ZNF530: variants seen among roughly 807,000 people sequenced by gnomAD.
ZNF530 encodes the protein zinc finger protein 530.
In ZNF530, 5 loss-of-function variants were observed where a neutral mutation model predicts 2.8. That is an observed-to-expected ratio of 1.80 (90% CI 0.94 to 3.78). The LOEUF (loss-of-function observed/expected upper bound fraction) is 3.78. Among genes scored for constraint, ZNF530 ranks in the 30% most tolerant of loss-of-function variants. ZNF530 has a pLI of 0.00. For synonymous variants in ZNF530, 229 were observed against 235.0 expected (o/e 0.97, Z 0.23); for missense variants, 619 against 673.3 (o/e 0.92, Z 0.89).
chr19:57,604,501 G>A (rs955697937), intron 3 of ZNF530, 95 bp downstream of exon 3: 2 of 1,500,966 alleles, frequency 1.3e-6, no homozygotes, highest in African/African-American at 1.4e-5. Context: ...TAGACCCTGA[G>A]CTCTACAGAC....
At position 57,600,066 on chromosome 19, in the gene ZNF530, G is replaced by A. The variant is rs201531039; in HGVS notation, c.-190G>A. The A allele has an allele frequency of 5.9e-6, 9 of 1,516,630 alleles. No homozygotes were observed. Among genetic ancestry groups the A allele is most frequent in the South Asian group, 2.4e-5 (2 of 81,928 alleles). 93.9% of individuals were successfully genotyped at this position (1,516,630 alleles called of 1,614,324 possible). On this transcript the variant is annotated 5_prime_UTR_variant, in exon 1 of 4. Coordinates refer to ENST00000597700, the MANE Select transcript of ZNF530 (RefSeq NM_001321981.2). Reference sequence around the variant, plus strand: ...ACAGCTTTGCTCTTGTCTCCGCCCGGATCGTCCACCGCTCCCGGCCCGCTC... The same window carrying A: ...ACAGCTTTGCTCTTGTCTCCGCCCGAATCGTCCACCGCTCCCGGCCCGCTC...
rs1185376118 is a variant in ZNF530 at position 57,607,420 on chromosome 19, C to G, written c.*95C>G. The G allele has an allele frequency of 3.2e-6, 4 of 1,245,730 alleles. No individual in the cohort carries two copies. The highest frequency in any genetic ancestry group is 4.4e-6 in the Non-Finnish European group (4 of 916,620). The allele number at this position is 1,245,730 out of a possible 1,614,324, so 77.2% of individuals were successfully genotyped here. A position where few individuals can be genotyped will look rare whatever the true frequency, so the allele number is the denominator to read the frequency against. The stretch of plus-strand genomic sequence containing the variant: ...AGTGCAATTGTGCAATCTCAGCTCA[C>G]TGCAACCTCCGCCTCCTGGGATCAA... On this transcript the variant is annotated 3_prime_UTR_variant, in exon 4 of 4. Coordinates refer to ENST00000597700, the MANE Select transcript of ZNF530 (RefSeq NM_001321981.2).
At chr19:57,605,484 T>A (rs1980460435) in intron 3 of ZNF530, 1 of 545,188 alleles carries the variant, frequency 1.8e-6, no homozygotes, top group South Asian at 2.5e-5. Context: ...ACCTGTTCTC[T>A]CTGAGTTGTG....
intron 3 of ZNF530, 172 bp from the exon 4 acceptor site, chr19:57,605,514 A>C: frequency 1.7e-6 from 1 of 595,592 alleles, no homozygotes; most frequent in Admixed American, 3.3e-5. Context: ...TGTGTCTTTC[A>C]TCTCATAAGG....
Position 57,609,484 on chromosome 19 carries a change from G to A in ZNF530, c.*2159G>A, listed in dbSNP as rs1228661531. Among the ~76,000 whole-genome samples, 1 of 152,256 alleles carries A rather than the reference G, an allele frequency of 6.6e-6. No homozygotes were observed. Among genetic ancestry groups the A allele is most frequent in the Admixed American group, 6.5e-5 (1 of 15,288 alleles). Reference sequence around the variant, plus strand: ...TACTAAAAGTACAAAAATTGTAAAAGTAAAAAGTAAAAGTAAAAGCTGGGT... The same window carrying A: ...TACTAAAAGTACAAAAATTGTAAAAATAAAAAGTAAAAGTAAAAGCTGGGT... On this transcript the variant is annotated 3_prime_UTR_variant, in exon 4 of 4. Transcript: ENST00000597700.
At chr19:57,605,240 G>A (rs1599934308) in intron 3 of ZNF530, 1 of 153,924 alleles carries the variant, frequency 6.5e-6, no homozygotes, top group Admixed American at 6.5e-5. Context: ...TGTGTCACCT[G>A]TTCCTTTCCA....
Position 57,607,089 on chromosome 19 carries a change from G to A in ZNF530, c.1465G>A (p.Asp489Asn), listed in dbSNP as rs372459735. ...VHTNERPYEC[D>N]ECGKSYSQSS... ...CACTAATGAAAGGCCTTATGAGTGCGATGAATGTGGGAAATCCTATAGCCA... is the reference window on the plus strand; with the variant it reads ...CACTAATGAAAGGCCTTATGAGTGCAATGAATGTGGGAAATCCTATAGCCA... Residue 489 changes from aspartate (D) to asparagine (N), a missense_variant, in exon 4 of 4, where the codon GAT becomes AAT. Physicochemically the swap from Asp to Asn is conservative, Grantham distance 23. Transcript: ENST00000597700. 25 of 1,607,010 alleles carry A rather than the reference G, an allele frequency of 1.6e-5. No homozygotes were observed. Among genetic ancestry groups the A allele is most frequent in the Middle Eastern group, 1.7e-4 (1 of 6,006 alleles).
chr19:57,605,202 C>T (rs1980440681), intron 3 of ZNF530: 1 of 153,434 alleles, frequency 6.5e-6, no homozygotes, highest in Admixed American at 6.5e-5. Context: ...ACTTCCAGCC[C>T]TTAGCTGCTA....
chr19:57,599,920 G>T lies in ZNF530; in HGVS notation c.-336G>T. ...GCGTCCTCCCTGTGGCGGGCACTTTGGCTTGTGTCAGTTCCATCCGCGGGT... is the reference window on the plus strand; with the variant it reads ...GCGTCCTCCCTGTGGCGGGCACTTTTGCTTGTGTCAGTTCCATCCGCGGGT... On this transcript the variant is annotated 5_prime_UTR_variant, in exon 1 of 4. Coordinates refer to ENST00000597700, the MANE Select transcript of ZNF530 (RefSeq NM_001321981.2). 1 of 589,500 alleles carries T rather than the reference G, an allele frequency of 1.7e-6. No individual in the cohort carries two copies. The allele number at this position is 589,500 out of a possible 1,614,324, so 36.5% of individuals were successfully genotyped here.
intron 1 of ZNF530, among the ~76,000 whole-genome samples, 166 bp from the exon 2 acceptor site, chr19:57,600,562 T>C (rs1447924557): frequency 6.6e-6 from 1 of 152,206 alleles, no homozygotes; most frequent in Non-Finnish European, 1.5e-5. Context: ...AGGGACCTAG[T>C]CTTTTTACGA....
intron 1 of ZNF530, 70 bp downstream of exon 1, chr19:57,600,204 C>A: frequency 6.6e-7 from 1 of 1,514,534 alleles, no homozygotes; most frequent in Non-Finnish European, 8.9e-7. Flanking sequence ...GAAGGGTTTT[C>A]TGCAGCCCGG....
At position 57,606,871 on chromosome 19, in the gene ZNF530, G is replaced by C. The variant is rs779584314; in HGVS notation, c.1247G>C (p.Gly416Ala). Residue 416 changes from glycine to alanine, a missense_variant, in exon 4 of 4, where the codon GGC becomes GCC. Transcript: ENST00000597700. ...GGGAAAGTTTTTAGCCAAAGCTCTGGCCTCTTTCGACACAGAAGAGCTCAC... is the reference window on the plus strand; with the variant it reads ...GGGAAAGTTTTTAGCCAAAGCTCTGCCCTCTTTCGACACAGAAGAGCTCAC... ...ECGKVFSQSS[G>A]LFRHRRAHTK... 7 of 1,606,926 alleles carry C rather than the reference G, an allele frequency of 4.4e-6. No individual in the cohort carries two copies. In the African/African-American group the frequency reaches 9.7e-5, roughly 22 times the overall value.
downstream of ZNF530, among the ~76,000 whole-genome samples, chr19:57,611,545 T>G (rs1599941269): frequency 6.6e-6 from 1 of 152,172 alleles, no homozygotes; most frequent in Admixed American, 6.5e-5. Flanking sequence ...TAACAAGTCA[T>G]GCACCCCCAG....
intron 3 of ZNF530, 100 bp downstream of exon 3, chr19:57,604,506 A>C (rs1470873260): frequency 5.4e-6 from 8 of 1,474,524 alleles, no homozygotes; most frequent in African/African-American, 1.4e-5. Context: ...CCTGAGCTCT[A>C]CAGACCTTCC....
Position 57,607,567 on chromosome 19 carries a change from ACTC to A in ZNF530, c.*245_*247del. On this transcript the variant is annotated 3_prime_UTR_variant, in exon 4 of 4. Coordinates refer to ENST00000597700, the MANE Select transcript of ZNF530 (RefSeq NM_001321981.2). Reference sequence around the variant, plus strand: ...ACCATGTTGGTCAGGCTGGTGTTGAACTCCTGACCTCAGGTAATCCACCTGCTT... The same window carrying A: ...ACCATGTTGGTCAGGCTGGTGTTGAACTGACCTCAGGTAATCCACCTGCTT... 8.8e-6 allele frequency: 4 copies of A among 454,452 alleles called. No homozygotes were observed. In the South Asian group the frequency reaches 1.2e-4, roughly 13 times the overall value. 28.2% of individuals were successfully genotyped at this position (454,452 alleles called of 1,614,324 possible). A position where few individuals can be genotyped will look rare whatever the true frequency, so the allele number is the denominator to read the frequency against.
rs984475030 is a variant in ZNF530, at chr19:57,607,496, C to A, written c.*171C>A. The A allele has an allele frequency of 3.1e-6, 2 of 647,880 alleles. No individual in the cohort carries two copies. Among genetic ancestry groups the A allele is most frequent in the Non-Finnish European group, 5.1e-6 (2 of 388,448 alleles). The allele number at this position is 647,880 out of a possible 1,614,324, so 40.1% of individuals were successfully genotyped here. A position where few individuals can be genotyped will look rare whatever the true frequency, so the allele number is the denominator to read the frequency against. The stretch of plus-strand genomic sequence containing the variant: ...AGTACCTGAGATTACAGGCACCCAC[C>A]ACCATGCCCAGCTAATTTTTGTATT... On this transcript the variant is annotated 3_prime_UTR_variant, in exon 4 of 4. Coordinates refer to ENST00000597700, the MANE Select transcript of ZNF530 (RefSeq NM_001321981.2).
At position 57,606,043 on chromosome 19, in the gene ZNF530, T is replaced by G; in HGVS notation, c.419T>G (p.Val140Gly). ...VSGKPFTFGE[V>G]GRDFSATSGL... ...GGAAAACCCTTCACGTTTGGGGAAG[T>G]CGGGAGGGACTTTTCAGCCACCTCA... Residue 140 changes from valine to glycine, a missense_variant, in exon 4 of 4, where the codon GTC (valine) becomes GGC (glycine). By Grantham distance (109) the Val-to-Gly change is moderately radical. Transcript: ENST00000597700. 2 of 1,614,144 alleles carry G rather than the reference T, an allele frequency of 1.2e-6. No individual in the cohort carries two copies. The highest frequency in any genetic ancestry group is 2.7e-5 in the African/African-American group (2 of 75,028).
Position 57,609,301 on chromosome 19 carries a change from A to C in ZNF530, c.*1976A>C, listed in dbSNP as rs1980762119. Among the ~76,000 whole-genome samples the C allele has an allele frequency of 6.6e-6, 1 of 151,804 alleles. No individual in the cohort carries two copies. The highest frequency in any genetic ancestry group is 2.4e-5 in the African/African-American group (1 of 41,324). On this transcript the variant is annotated 3_prime_UTR_variant, in exon 4 of 4. Coordinates refer to ENST00000597700, the MANE Select transcript of ZNF530 (RefSeq NM_001321981.2). ...AGCTGAGACCACACCACTGCACTCC[A>C]GCCCGGGTGATGGAGTGAGACTCTG...
chr19:57,600,074 A>G lies in ZNF530; in HGVS notation c.-182A>G, dbSNP rs1217255358. 6.6e-7 allele frequency: 1 copy of G among 1,526,520 alleles called. No homozygotes were observed. Among genetic ancestry groups the G allele is most frequent in the South Asian group, 1.2e-5 (1 of 82,682 alleles). 94.6% of individuals were successfully genotyped at this position (1,526,520 alleles called of 1,614,324 possible). A position where few individuals can be genotyped will look rare whatever the true frequency, so the allele number is the denominator to read the frequency against. On this transcript the variant is annotated 5_prime_UTR_variant, in exon 1 of 4. Coordinates refer to ENST00000597700, the MANE Select transcript of ZNF530 (RefSeq NM_001321981.2). Reference sequence around the variant, plus strand: ...GCTCTTGTCTCCGCCCGGATCGTCCACCGCTCCCGGCCCGCTCCGCCCAGA... The same window carrying G: ...GCTCTTGTCTCCGCCCGGATCGTCCGCCGCTCCCGGCCCGCTCCGCCCAGA...
Sources: allele counts gnomAD v4.1 joint callset (sites outside exome capture counted in the v4.1 genomes callset), GRCh38; gene constraint gnomAD v4.1.1; transcripts MANE v1.5; gene names NCBI Gene and HGNC (gene_info 2026-07-23, HGNC 2026-07-21).